FGF12: variants seen among roughly 807,000 people sequenced by gnomAD.
FGF12 encodes fibroblast growth factor 12B.
FGF12 carries 14 observed loss-of-function variants against 23.6 expected under a neutral mutation model. The ratio of observed to expected loss-of-function variants is 0.59; its 90% CI spans 0.39 to 0.93. The LOEUF is 0.93. Ranked by LOEUF, FGF12 falls within the 40% of genes least tolerant of loss-of-function variation. FGF12 has a pLI of 0.00. For missense variants in FGF12, 175 were observed against 217.8 expected (o/e 0.80, Z 1.24); for synonymous variants, 62 against 77.3 (o/e 0.80, Z 1.04).
chr3:192,473,214 T>C (rs1265349330), intron 2 of FGF12, among the ~76,000 whole-genome samples: 1 of 152,192 alleles, frequency 6.6e-6, no homozygotes, highest in East Asian at 1.9e-4. Context: ...AATTGTAACT[T>C]AAAATTATCA....
intron 2 of FGF12, among the ~76,000 whole-genome samples, chr3:192,494,428 C>A (rs949620356): frequency 2.0e-5 from 3 of 152,162 alleles, no homozygotes; most frequent in Admixed American, 2.0e-4. Flanking sequence ...ATCTGTCAAA[C>A]CTACTTCTAC....
intron 4 of FGF12, among the ~76,000 whole-genome samples, chr3:192,226,443 T>C (rs1486489765): frequency 6.6e-6 from 1 of 152,196 alleles, no homozygotes; most frequent in Non-Finnish European, 1.5e-5. Flanking sequence ...ATTGTGTGTG[T>C]TGCAAAGACA....
chr3:192,366,981 G>C (rs1463667201), intron 2 of FGF12, among the ~76,000 whole-genome samples: 1 of 152,146 alleles, frequency 6.6e-6, no homozygotes, highest in Non-Finnish European at 1.5e-5. Context: ...GTCGCCTAAG[G>C]AAAGAGTGAG....
At chr3:192,252,073 A>C (rs961487008) in intron 4 of FGF12, among the ~76,000 whole-genome samples, 3 of 152,116 alleles carry the variant, frequency 2.0e-5, no homozygotes, top group Non-Finnish European at 4.4e-5. Context: ...TTTTGTGTGT[A>C]AGTCTTTTTA....
chr3:192,410,818 C>T (rs1314432306), intron 2 of FGF12, among the ~76,000 whole-genome samples: 2 of 152,152 alleles, frequency 1.3e-5, no homozygotes, highest in African/African-American at 4.8e-5. Flanking sequence ...GCAATCAGGT[C>T]TCCAGACGTG....
At chr3:192,480,897 T>C (rs1175465397) in intron 2 of FGF12, among the ~76,000 whole-genome samples, 1 of 152,350 alleles carries the variant, frequency 6.6e-6, no homozygotes, top group East Asian at 1.9e-4. Context: ...GTTTTCTTTG[T>C]CTGCATGCTG....
chr3:192,333,610 A>G (rs1717237216), intron 4 of FGF12, among the ~76,000 whole-genome samples: 1 of 152,094 alleles, frequency 6.6e-6, no homozygotes, highest in Non-Finnish European at 1.5e-5. Flanking sequence ...TACAAAATAT[A>G]GTGTATATTT....
chr3:192,190,976 T>C (rs1292622242), intron 4 of FGF12, among the ~76,000 whole-genome samples: 2 of 152,232 alleles, frequency 1.3e-5, no homozygotes, highest in African/African-American at 4.8e-5. Flanking sequence ...ATTATTTCTG[T>C]CGATTTCTTT....
At chr3:192,616,304 A>G (rs930503199) in intron 2 of FGF12, among the ~76,000 whole-genome samples, 6 of 152,120 alleles carry the variant, frequency 3.9e-5, no homozygotes, top group African/African-American at 1.4e-4. Flanking sequence ...GTATGTCTCT[A>G]AAGTCTTACG....
At chr3:192,592,400 C>T (rs138539061) in intron 2 of FGF12, among the ~76,000 whole-genome samples, 22 of 151,940 alleles carry the variant, frequency 1.4e-4, no homozygotes, top group African/African-American at 4.6e-4. Context: ...GGCCCTTTCA[C>T]GGGTCCTGGT....
intron 2 of FGF12, among the ~76,000 whole-genome samples, chr3:192,620,342 T>A (rs898178914): frequency 6.6e-6 from 1 of 152,146 alleles, no homozygotes; most frequent in Non-Finnish European, 1.5e-5. Flanking sequence ...CTTCCTTTTA[T>A]AAGCACTCCT....
At chr3:192,250,441 A>G (rs980796841) in intron 4 of FGF12, among the ~76,000 whole-genome samples, 2 of 152,196 alleles carry the variant, frequency 1.3e-5, no homozygotes, top group Non-Finnish European at 2.9e-5. Context: ...TTAACCACTT[A>G]ATATTTACAC....
At chr3:192,585,607 G>C (rs1369376174) in intron 2 of FGF12, among the ~76,000 whole-genome samples, 2 of 151,992 alleles carry the variant, frequency 1.3e-5, no homozygotes, top group Non-Finnish European at 2.9e-5. Flanking sequence ...GGGACTCCAG[G>C]ACCCAATTTT....
At chr3:192,216,598 T>C (rs2108568029) in intron 4 of FGF12, among the ~76,000 whole-genome samples, 1 of 152,320 alleles carries the variant, frequency 6.6e-6, no homozygotes, top group African/African-American at 2.4e-5. Context: ...CTATAAAAGA[T>C]TTATAAAAAG....
At chr3:192,714,267 A>T (rs1718787942) in intron 2 of FGF12, among the ~76,000 whole-genome samples, 1 of 152,160 alleles carries the variant, frequency 6.6e-6, no homozygotes, top group Admixed American at 6.5e-5. Context: ...AATTGGATTC[A>T]GAAACTGTTC....
In FGF12 at chr3:192,668,388, G is replaced by C. The variant is rs377552972; in HGVS notation, c.13+58793C>G. 2.1e-4 allele frequency among the ~76,000 whole-genome samples: 32 copies of C among 152,174 alleles called. No homozygotes were observed. In the East Asian group the frequency reaches 6.0e-3, roughly 28 times the overall value. On this transcript the variant is annotated intron_variant, in intron 2 of 5. Coordinates refer to ENST00000445105, the MANE Select transcript of FGF12 (RefSeq NM_004113.6). The stretch of plus-strand genomic sequence containing the variant: ...GATTCTTAATGGGAATATTCAATGG[G>C]GGACAAATATGACTCCTGCCTAGTA...
chr3:192,276,216 G>A (rs993888671), intron 4 of FGF12, among the ~76,000 whole-genome samples: 15 of 128,730 alleles, frequency 1.2e-4, no homozygotes, highest in African/African-American at 3.6e-4. Context: ...TATAGTCCAC[G>A]TGTTTAAGCA....
At chr3:192,372,776 C>G (rs1719292723) in intron 2 of FGF12, among the ~76,000 whole-genome samples, 3 of 152,154 alleles carry the variant, frequency 2.0e-5, no homozygotes, top group Non-Finnish European at 4.4e-5. Context: ...TGCTTAAACT[C>G]TTTAACAGCT....
intron 2 of FGF12, among the ~76,000 whole-genome samples, chr3:192,607,045 T>TC (rs140050009): frequency 0.065 from 9,959 of 152,138 alleles, 726 homozygotes; most frequent in African/African-American, 0.18. Context: ...GCAGGTACAC[T>TC]ATCCATTCAG....
Sources: allele counts gnomAD v4.1 joint callset (sites outside exome capture counted in the v4.1 genomes callset), GRCh38; gene constraint gnomAD v4.1.1; transcripts MANE v1.5; gene names NCBI Gene and HGNC (gene_info 2026-07-23, HGNC 2026-07-21).